MDGA2: variants seen among roughly 807,000 people sequenced by gnomAD.
MDGA2 encodes the protein MAM domain containing glycosylphosphatidylinositol anchor 2, also known as MAM domain-containing glycosylphosphatidylinositol anchor protein 2.
In MDGA2, 40 loss-of-function variants were observed where a neutral mutation model predicts 117.8. The ratio of observed to expected loss-of-function variants is 0.34; its 90% CI spans 0.26 to 0.44. MDGA2 has a LOEUF of 0.44. Ranked by LOEUF, MDGA2 falls within the 20% of genes least tolerant of loss-of-function variation. MDGA2 has a pLI of 1.00. For synonymous variants in MDGA2, 452 were observed against 439.0 expected (o/e 1.03, Z -0.37); for missense variants, 1,123 against 1,250.6 (o/e 0.90, Z 1.54).
intron 1 of MDGA2, among the ~76,000 whole-genome samples, chr14:47,457,866 G>A (rs1161030691): frequency 1.4e-5 from 2 of 141,180 alleles, no homozygotes; most frequent in Admixed American, 7.2e-5. Flanking sequence ...TTTTTCTAAT[G>A]ACAAGAGCAC....
rs567105653 is a variant in MDGA2, at chr14:47,328,413, ATTC to A, written c.281-26866_281-26864del. On this transcript the variant is annotated intron_variant, in intron 1 of 16. Coordinates refer to ENST00000399232, the MANE Select transcript of MDGA2 (RefSeq NM_001113498.3). The stretch of plus-strand genomic sequence containing the variant: ...AAGAAAACTACATATTAAAGAACCT[ATTC>A]TTCTTCTTTCAGGGCATACAACCAA... Among the ~76,000 whole-genome samples the A allele has an allele frequency of 7.2e-5, 11 of 152,294 alleles. No individual in the cohort carries two copies. The South Asian group carries it at 1.7e-3, about 23-fold the overall frequency.
Position 46,960,754 on chromosome 14 carries a change from A to T in MDGA2, c.1820-3111T>A, listed in dbSNP as rs142550253. On this transcript the variant is annotated intron_variant, in intron 8 of 16. Transcript: ENST00000399232. The stretch of plus-strand genomic sequence containing the variant: ...ATTTTATATGTATATGTGTATATGC[A>T]CACATATGTAGAATTTGTGTACATA... 4.4e-3 allele frequency among the ~76,000 whole-genome samples: 651 copies of T among 146,792 alleles called. 3 individuals carry two copies. The highest frequency in any genetic ancestry group is 3.8e-3 in the Non-Finnish European group (258 of 67,596).
rs1280540044 is a variant in MDGA2, at chr14:47,301,470, T to C, written c.361A>G (p.Ile121Val). 3.2e-6 allele frequency: 5 copies of C among 1,551,792 alleles called. No individual in the cohort carries two copies. Among genetic ancestry groups the C allele is most frequent in the Non-Finnish European group, 3.5e-6 (4 of 1,147,008 alleles). The change falls in exon 2 of 17, where the codon ATC (isoleucine) becomes GTC (valine). Residue 121 changes from isoleucine (I) to valine (V), a missense_variant. This residue lies in a region of MDGA2 where 233 missense variants were observed against 200.3 expected (regional missense o/e 1.16). Transcript: ENST00000399232. ...EERYSERVYT[I>V]REGETLELTC... ...AACTCAAGGGTTTCTCCTTCCCGGA[T>C]AGTGTAGACCCTTTCGGAGTAGCGC...
At chr14:47,642,442 T>C (rs1424286342) in intron 1 of MDGA2, among the ~76,000 whole-genome samples, 7 of 152,064 alleles carry the variant, frequency 4.6e-5, no homozygotes, top group Non-Finnish European at 2.9e-5. Flanking sequence ...CATACATCCA[T>C]TGACCATTCC....
chr14:46,982,377 G>A (rs1886706293), intron 8 of MDGA2, among the ~76,000 whole-genome samples: 1 of 151,878 alleles, frequency 6.6e-6, no homozygotes, highest in Non-Finnish European at 1.5e-5. Context: ...GGACAAATTA[G>A]TTTTAATATA....
rs1474595105 is a variant in MDGA2 at position 46,869,311 on chromosome 14, TA to T, written c.2752+4121del. On this transcript the variant is annotated intron_variant, in intron 14 of 16. Coordinates refer to ENST00000399232, the MANE Select transcript of MDGA2 (RefSeq NM_001113498.3). ...ATGAATGATGCATTTAACTTATTTT[TA>T]ATACACTTTTGTCATATCTAGTGAT... 1.2e-4 allele frequency among the ~76,000 whole-genome samples: 18 copies of T among 151,910 alleles called. No individual in the cohort carries two copies. In the East Asian group the frequency reaches 3.5e-3, roughly 30 times the overall value.
chr14:47,219,428 T>C (rs967537097), intron 2 of MDGA2, among the ~76,000 whole-genome samples: 1 of 152,066 alleles, frequency 6.6e-6, no homozygotes, highest in African/African-American at 2.4e-5. Flanking sequence ...CCAAATCTTC[T>C]ATATATATGG....
intron 3 of MDGA2, among the ~76,000 whole-genome samples, chr14:47,156,662 A>G (rs1280316388): frequency 6.6e-6 from 1 of 152,214 alleles, no homozygotes; most frequent in Non-Finnish European, 1.5e-5. Flanking sequence ...TCTGTCTTTA[A>G]TCTTTGAATT....
chr14:47,401,249 T>C (rs1301405770), intron 1 of MDGA2, among the ~76,000 whole-genome samples: 2 of 152,116 alleles, frequency 1.3e-5, no homozygotes, highest in African/African-American at 2.4e-5. Context: ...ACAGGCATTA[T>C]AGGGATAAAA....
intron 1 of MDGA2, among the ~76,000 whole-genome samples, chr14:47,572,122 GC>G (rs1158661865): frequency 6.6e-6 from 1 of 152,106 alleles, no homozygotes; most frequent in Non-Finnish European, 1.5e-5. Context: ...AGAATCTGAG[GC>G]TATTCAATCC....
chr14:46,877,376 T>C (rs960500357), intron 12 of MDGA2, 113 bp downstream of exon 12: 10 of 558,544 alleles, frequency 1.8e-5, no homozygotes, highest in Admixed American at 1.7e-4. Context: ...TTCTGAACAA[T>C]TGTGTTTTAA....
intron 2 of MDGA2, among the ~76,000 whole-genome samples, chr14:47,299,945 C>G (rs545096267): frequency 3.9e-5 from 6 of 152,138 alleles, no homozygotes; most frequent in Admixed American, 1.3e-4. Context: ...TTTCAGATTA[C>G]TTTTGTTCTT....
intron 1 of MDGA2, among the ~76,000 whole-genome samples, chr14:47,660,661 G>C (rs1430341091): frequency 1.3e-5 from 2 of 152,156 alleles, no homozygotes; most frequent in Non-Finnish European, 2.9e-5. Context: ...ACAAAAATCA[G>C]GCCAAATATG....
intron 1 of MDGA2, among the ~76,000 whole-genome samples, chr14:47,559,013 G>A (rs1895741775): frequency 6.6e-6 from 1 of 152,010 alleles, no homozygotes; most frequent in Admixed American, 6.6e-5. Flanking sequence ...ATTTTATACA[G>A]GAGTCTCAAA....
intron 1 of MDGA2, among the ~76,000 whole-genome samples, chr14:47,351,675 TAA>T (rs772965956): frequency 1.3e-5 from 2 of 152,176 alleles, no homozygotes; most frequent in Admixed American, 6.5e-5. Context: ...TATTCCATTA[TAA>T]GTTTCATGTT....
chr14:47,656,415 C>A (rs1414007157), intron 1 of MDGA2, among the ~76,000 whole-genome samples: 2 of 152,180 alleles, frequency 1.3e-5, no homozygotes, highest in Non-Finnish European at 2.9e-5. Context: ...AAAGGTACTG[C>A]ACCTGCCCTG....
At chr14:47,291,540 C>A (rs1419786405) in intron 2 of MDGA2, among the ~76,000 whole-genome samples, 1 of 152,112 alleles carries the variant, frequency 6.6e-6, no homozygotes, top group Non-Finnish European at 1.5e-5. Flanking sequence ...TCTAACCTAC[C>A]AAATGTCATA....
intron 16 of MDGA2, among the ~76,000 whole-genome samples, chr14:46,844,037 A>G (rs139494554): frequency 1.7e-4 from 26 of 152,334 alleles, no homozygotes; most frequent in East Asian, 7.7e-4. Context: ...AGCTAAATAC[A>G]TAATTCTAAA....
At chr14:47,265,794 T>C (rs1887946863) in intron 2 of MDGA2, among the ~76,000 whole-genome samples, 1 of 152,136 alleles carries the variant, frequency 6.6e-6, no homozygotes, top group Non-Finnish European at 1.5e-5. Flanking sequence ...CCTTCCATGT[T>C]AATACCAAAT....
Sources: allele counts gnomAD v4.1 joint callset (sites outside exome capture counted in the v4.1 genomes callset), GRCh38; gene constraint gnomAD v4.1.1; regional missense constraint gnomAD v4.1.1; transcripts MANE v1.5; gene names NCBI Gene and HGNC (gene_info 2026-07-23, HGNC 2026-07-21).